The following TENT5C variants were observed in gnomAD, a reference collection of about 807,000 sequenced individuals.
TENT5C encodes family with sequence similarity 46 member C.
In TENT5C, 5 loss-of-function variants were observed where a neutral mutation model predicts 22.2. The observed-to-expected ratio is 0.22, with a 90% confidence interval of 0.12 to 0.47. The LOEUF (loss-of-function observed/expected upper bound fraction) is 0.47, where lower values mean the gene tolerates loss of function less well. Ranked by LOEUF, TENT5C falls within the 20% of genes least tolerant of loss-of-function variation. The pLI is 0.99. For missense variants in TENT5C, 364 were observed against 500.9 expected (o/e 0.73, Z 2.61); for synonymous variants, 199 against 195.4 (o/e 1.02, Z -0.15).
chr1:117,612,599 G>A (rs1034941439), intron 1 of TENT5C, among the ~76,000 whole-genome samples: 2 of 152,296 alleles, frequency 1.3e-5, no homozygotes, highest in African/African-American at 2.4e-5. Context: ...GCTGCTATGC[G>A]CAGTACCTGG....
intron 1 of TENT5C, among the ~76,000 whole-genome samples, chr1:117,621,940 T>C: frequency 6.6e-6 from 1 of 152,234 alleles, no homozygotes; most frequent in Non-Finnish European, 1.5e-5. Context: ...GGTGTTTTTC[T>C]CCTAGTACTC....
intron 1 of TENT5C, among the ~76,000 whole-genome samples, chr1:117,607,163 C>T (rs540529121): frequency 3.9e-5 from 6 of 152,280 alleles, no homozygotes; most frequent in African/African-American, 1.4e-4. Context: ...AACCAAGCAG[C>T]GCTACCTCCA....
rs1473196705 is a variant in TENT5C, at chr1:117,624,213, G to GT, written c.*170dup. On this transcript the variant is annotated 3_prime_UTR_variant, in exon 2 of 2. Coordinates refer to ENST00000369448, the MANE Select transcript of TENT5C (RefSeq NM_017709.4). ...GTACCCATTGGAATGGGTCTACAGT[G>GT]TATCATGAGCCAACCCTCAAAGGAC... 1.5e-5 allele frequency: 9 copies of GT among 620,054 alleles called. No homozygotes were observed. The highest frequency in any genetic ancestry group is 7.0e-5 in the South Asian group (3 of 43,018). 38.4% of individuals were successfully genotyped at this position (620,054 alleles called of 1,614,324 possible).
intron 1 of TENT5C, among the ~76,000 whole-genome samples, chr1:117,612,115 T>C (rs1411409885): frequency 6.6e-6 from 1 of 152,206 alleles, no homozygotes; most frequent in African/African-American, 2.4e-5. Flanking sequence ...CCCAAAGTTA[T>C]GGAAGGAGAG....
At chr1:117,609,442 T>C (rs1279586845) in intron 1 of TENT5C, among the ~76,000 whole-genome samples, 1 of 152,036 alleles carries the variant, frequency 6.6e-6, no homozygotes, top group Non-Finnish European at 1.5e-5. Flanking sequence ...CCCTGTAGGA[T>C]GTTTTTTAGT....
At chr1:117,612,566 T>C (rs1389625724) in intron 1 of TENT5C, among the ~76,000 whole-genome samples, 2 of 152,214 alleles carry the variant, frequency 1.3e-5, no homozygotes, top group Non-Finnish European at 2.9e-5. Context: ...CATTAATTAC[T>C]TGATGAACGC....
At chr1:117,617,173 G>GTC (rs199790515) in intron 1 of TENT5C, among the ~76,000 whole-genome samples, 11,907 of 151,988 alleles carry the variant, frequency 0.078, 503 homozygotes, top group African/African-American at 0.11. Context: ...CAGAGATCTA[G>GTC]ATAAGCTATG....
At chr1:117,611,519 TC>T (rs1653671627) in intron 1 of TENT5C, among the ~76,000 whole-genome samples, 1 of 152,152 alleles carries the variant, frequency 6.6e-6, no homozygotes, top group Middle Eastern at 3.2e-3. Context: ...ACGATTAACT[TC>T]CTAGTAGTCC....
At position 117,623,619 on chromosome 1, in the gene TENT5C, C is replaced by T. The variant is rs769480797; in HGVS notation, c.751C>T (p.Leu251Phe). The change falls in exon 2 of 2, where the codon CTT (leucine) becomes TTT (phenylalanine). Residue 251 changes from leucine to phenylalanine, a missense_variant. Leu to Phe is a conservative substitution (Grantham distance 22, BLOSUM62 0). Around this residue, in one of 3 missense-constraint regions of TENT5C, gnomAD observed 303 missense variants for 394.5 expected, o/e 0.77. Coordinates refer to ENST00000369448, the MANE Select transcript of TENT5C (RefSeq NM_017709.4). ...GGGACTTCTCAAGTACAGCAACCTTCTTGTGCGGGACTTCAGGCCCACAGA... is the reference window on the plus strand; with the variant it reads ...GGGACTTCTCAAGTACAGCAACCTTTTTGTGCGGGACTTCAGGCCCACAGA... Reference protein sequence around the residue: ...GGGLLKYSNLLVRDFRPTDQE... With the variant: ...GGGLLKYSNLFVRDFRPTDQE... 1.9e-6 allele frequency: 3 copies of T among 1,613,806 alleles called. No homozygotes were observed. The highest frequency in any genetic ancestry group is 1.7e-6 in the Non-Finnish European group (2 of 1,179,976).
In TENT5C at chr1:117,606,064, C is replaced by G. The variant is rs1176138206; in HGVS notation, c.-117C>G. Reference sequence around the variant, plus strand: ...CGGCGGGACGGCTCACTCGGTGCCGCTGCCTAGGGGCTGTAGAGGTCGCGC... The same window carrying G: ...CGGCGGGACGGCTCACTCGGTGCCGGTGCCTAGGGGCTGTAGAGGTCGCGC... On this transcript the variant is annotated 5_prime_UTR_variant, in exon 1 of 2. Coordinates refer to ENST00000369448, the MANE Select transcript of TENT5C (RefSeq NM_017709.4). The G allele has an allele frequency of 6.6e-6, 1 of 152,222 alleles. No individual in the cohort carries two copies. The highest frequency in any genetic ancestry group is 1.5e-5 in the Non-Finnish European group (1 of 68,124). 9.4% of individuals were successfully genotyped at this position (152,222 alleles called of 1,614,324 possible).
intron 1 of TENT5C, among the ~76,000 whole-genome samples, chr1:117,618,666 G>C (rs978476209): frequency 1.3e-5 from 2 of 152,056 alleles, no homozygotes; most frequent in African/African-American, 4.8e-5. Context: ...GGCTCCTAAG[G>C]GAGAAGCTTT....
chr1:117,612,805 G>A (rs1268326758), intron 1 of TENT5C, among the ~76,000 whole-genome samples: 1 of 152,250 alleles, frequency 6.6e-6, no homozygotes, highest in Non-Finnish European at 1.5e-5. Flanking sequence ...AGAGTTGCTT[G>A]TCCCTTTCCT....
chr1:117,619,383 A>G (rs1411883716), intron 1 of TENT5C, among the ~76,000 whole-genome samples: 1 of 152,036 alleles, frequency 6.6e-6, no homozygotes, highest in African/African-American at 2.4e-5. Flanking sequence ...GGTGTTTGAG[A>G]TGTAGTTTGT....
In TENT5C at chr1:117,623,893, C is replaced by A; in HGVS notation, c.1025C>A (p.Ala342Glu). 6.2e-6 allele frequency: 10 copies of A among 1,614,136 alleles called. No individual in the cohort carries two copies. The highest frequency in any genetic ancestry group is 8.5e-6 in the Non-Finnish European group (10 of 1,180,016). Residue 342 changes from alanine to glutamate, a missense_variant, in exon 2 of 2, where the codon GCG becomes GAG. Transcript: ENST00000369448. ...LISLLALRVL[A>E]EQNIIPSATN... ...TCCCTCCTGGCCTTGCGTGTGCTGG[C>A]GGAACAAAACATCATCCCCAGTGCC...
chr1:117,623,021 C>G lies in TENT5C; in HGVS notation c.153C>G (p.Ile51Met). 1 of 1,614,218 alleles carries G rather than the reference C, an allele frequency of 6.2e-7. No individual in the cohort carries two copies. Among genetic ancestry groups the G allele is most frequent in the Non-Finnish European group, 8.5e-7 (1 of 1,180,048 alleles). Residue 51 changes from isoleucine to methionine, a missense_variant, in exon 2 of 2, where the codon ATC (isoleucine) becomes ATG (methionine). Ile to Met is a conservative substitution (Grantham distance 10). Coordinates refer to ENST00000369448, the MANE Select transcript of TENT5C (RefSeq NM_017709.4). ...FPTLEITLKD[I>M]VQTVRSRLEE... Reference sequence around the variant, plus strand: ...CCTTGGAGATAACTCTGAAGGACATCGTCCAGACCGTCCGCAGTCGGCTGG... The same window carrying G: ...CCTTGGAGATAACTCTGAAGGACATGGTCCAGACCGTCCGCAGTCGGCTGG...
At chr1:117,621,776 C>T (rs553446902) in intron 1 of TENT5C, among the ~76,000 whole-genome samples, 7 of 152,090 alleles carry the variant, frequency 4.6e-5, no homozygotes, top group Admixed American at 2.6e-4. Flanking sequence ...AGCAAATATT[C>T]GACTCGTGGC....
At chr1:117,619,062 C>A (rs376268754) in intron 1 of TENT5C, among the ~76,000 whole-genome samples, 2 of 152,280 alleles carry the variant, frequency 1.3e-5, no homozygotes, top group East Asian at 3.9e-4. Context: ...CACATCAGAT[C>A]ATTTAACCAT....
intron 1 of TENT5C, among the ~76,000 whole-genome samples, chr1:117,610,640 A>G (rs1221247445): frequency 1.3e-5 from 2 of 151,922 alleles, no homozygotes; most frequent in Non-Finnish European, 2.9e-5. Flanking sequence ...CGATCCTCCT[A>G]CCTCAGCCTC....
chr1:117,613,566 A>C (rs529399707), intron 1 of TENT5C, among the ~76,000 whole-genome samples: 15 of 152,278 alleles, frequency 9.9e-5, no homozygotes, highest in Admixed American at 2.0e-4. Flanking sequence ...TTGGCTTCTC[A>C]CTTCTTAGTG....
Sources: allele counts gnomAD v4.1 joint callset (sites outside exome capture counted in the v4.1 genomes callset), GRCh38; gene constraint gnomAD v4.1.1; regional missense constraint gnomAD v4.1.1; transcripts MANE v1.5; gene names NCBI Gene and HGNC (gene_info 2026-07-23, HGNC 2026-07-21).